CEP126: variants seen among roughly 807,000 people sequenced by gnomAD.
CEP126 encodes centrosomal protein of 126 kDa.
CEP126 carries 74 observed loss-of-function variants against 107.8 expected under a neutral mutation model. That is an observed-to-expected ratio of 0.69 (90% CI 0.57 to 0.83). The LOEUF (loss-of-function observed/expected upper bound fraction) is 0.83, where lower values mean the gene tolerates loss of function less well. CEP126 is among the 40% of genes least tolerant of loss of function. The pLI is 0.00. For missense variants in CEP126, 1,237 were observed against 1,281.9 expected, an observed-to-expected ratio of 0.96 and a Z score of 0.53; for synonymous variants, 449 against 446.0, an observed-to-expected ratio of 1.01 and a Z score of -0.08.
intron 2 of CEP126, among the ~76,000 whole-genome samples, chr11:101,931,471 T>C (rs1940498812): frequency 6.6e-6 from 1 of 152,188 alleles, no homozygotes; most frequent in African/African-American, 2.4e-5. Context: ...CAGTAGATTA[T>C]TGGGTTTAGT....
At chr11:101,954,224 C>T (rs1229231722) in intron 4 of CEP126, among the ~76,000 whole-genome samples, 4 of 152,162 alleles carry the variant, frequency 2.6e-5, no homozygotes, top group African/African-American at 9.7e-5. Context: ...GACTGGGTTT[C>T]ACCATTTTGG....
rs150084175 is a variant in CEP126 at position 101,922,322 on chromosome 11, G to A, written c.129-319G>A. ...TGGGAATACAGGCATGCACCACCAC[G>A]TCCAGCTAATTTTTGTATTTTTAGT... On this transcript the variant is annotated intron_variant, in intron 1 of 10. Coordinates refer to ENST00000263468, the MANE Select transcript of CEP126 (RefSeq NM_020802.4). Among the ~76,000 whole-genome samples, 1,431 of 151,898 alleles carry A rather than the reference G, an allele frequency of 9.4e-3. 27 individuals are homozygous for A. Among genetic ancestry groups the A allele is most frequent in the African/African-American group, 0.033 (1,353 of 41,460 alleles).
chr11:101,938,958 T>C (rs756497046), intron 2 of CEP126, among the ~76,000 whole-genome samples: 1 of 152,310 alleles, frequency 6.6e-6, no homozygotes, highest in South Asian at 2.1e-4. Flanking sequence ...TTTAATCTTA[T>C]GAAATTCATT....
At chr11:101,975,646 A>C (rs1039689268) in intron 6 of CEP126, among the ~76,000 whole-genome samples, 1 of 152,152 alleles carries the variant, frequency 6.6e-6, no homozygotes, top group African/African-American at 2.4e-5. Context: ...GGTAAATTGC[A>C]TGTCACTAGG....
chr11:101,916,986 A>G (rs546884953), intron 1 of CEP126, among the ~76,000 whole-genome samples: 1 of 151,864 alleles, frequency 6.6e-6, no homozygotes, highest in African/African-American at 2.4e-5. Context: ...TTATAAATGA[A>G]CATTTTAATA....
intron 1 of CEP126, chr11:101,915,941 G>GA: frequency 6.6e-6 from 1 of 152,396 alleles, no homozygotes; most frequent in East Asian, 1.9e-4. Flanking sequence ...CAGAAAAGAG[G>GA]AAATGAGAAA....
chr11:101,972,796 A>G (rs1203490658), intron 6 of CEP126, among the ~76,000 whole-genome samples: 8 of 152,152 alleles, frequency 5.3e-5, no homozygotes, highest in Non-Finnish European at 1.5e-5. Context: ...GTGAGACTCC[A>G]TCTAAAAAAA....
chr11:101,985,585 G>A (rs1031445774), intron 8 of CEP126, among the ~76,000 whole-genome samples: 2 of 151,962 alleles, frequency 1.3e-5, no homozygotes, highest in Non-Finnish European at 2.9e-5. Context: ...ATCCAGCTGA[G>A]TTTCATGTTT....
At chr11:101,941,562 G>T (rs2137093959) in intron 2 of CEP126, among the ~76,000 whole-genome samples, 1 of 152,192 alleles carries the variant, frequency 6.6e-6, no homozygotes, top group Non-Finnish European at 1.5e-5. Flanking sequence ...CAGTTGGGTT[G>T]CTTCCACCTT....
intron 2 of CEP126, among the ~76,000 whole-genome samples, chr11:101,928,840 T>C (rs1248478295): frequency 1.3e-5 from 2 of 152,196 alleles, no homozygotes; most frequent in African/African-American, 4.8e-5. Flanking sequence ...CTTTATTCTT[T>C]TTCAGAATTG....
intron 6 of CEP126, among the ~76,000 whole-genome samples, chr11:101,967,849 A>G (rs1243637634): frequency 6.6e-6 from 1 of 152,206 alleles, no homozygotes; most frequent in Non-Finnish European, 1.5e-5. Flanking sequence ...AATAGTGACT[A>G]CCTCTGGGGA....
At chr11:101,993,293 A>T (rs1263786025) in intron 10 of CEP126, among the ~76,000 whole-genome samples, 1 of 152,136 alleles carries the variant, frequency 6.6e-6, no homozygotes, top group Non-Finnish European at 1.5e-5. Flanking sequence ...TCCCACTTCT[A>T]AGTGAGAACG....
chr11:101,929,312 CTATTA>C (rs1940458328), intron 2 of CEP126, among the ~76,000 whole-genome samples: 1 of 152,188 alleles, frequency 6.6e-6, no homozygotes, highest in East Asian at 1.9e-4. Flanking sequence ...TTTTCATACT[CTATTA>C]TGAGATTCTG....
intron 6 of CEP126, among the ~76,000 whole-genome samples, chr11:101,971,241 T>G (rs567207671): frequency 4.7e-4 from 71 of 152,226 alleles, no homozygotes; most frequent in African/African-American, 1.5e-3. Flanking sequence ...TCCCAAGTAC[T>G]GGGATTGTAG....
chr11:101,992,963 T>A (rs7929528), intron 10 of CEP126, 121 bp downstream of exon 10: 54,865 of 1,010,454 alleles, frequency 0.054, 2,403 homozygotes, highest in East Asian at 0.23. Context: ...TTTATAGAGG[T>A]TTTCTCCTCA....
rs771493265 is a variant in CEP126, at chr11:101,992,790, C to A, written c.3257C>A (p.Ser1086Tyr). ...LSERLHYIQE[S>Y]ICKNPSIKNT... ...ATAATTATTTCAGATATACAAGAAT[C>A]CATTTGCAAAAACCCATCCATCAAA... The change falls in exon 10 of 11, where the codon TCC becomes TAC. Residue 1086 changes from serine (S) to tyrosine (Y), a missense_variant. Transcript: ENST00000263468. 4.7e-5 allele frequency: 70 copies of A among 1,494,758 alleles called. 1 individual carries two copies. The highest frequency in any genetic ancestry group is 6.3e-5 in the Non-Finnish European group (69 of 1,103,972). The allele number at this position is 1,494,758 out of a possible 1,614,324, so 92.6% of individuals were successfully genotyped here.
chr11:101,952,606 G>T (rs1346925332), intron 4 of CEP126, among the ~76,000 whole-genome samples: 1 of 152,166 alleles, frequency 6.6e-6, no homozygotes, highest in East Asian at 1.9e-4. Flanking sequence ...GGTTAAGAGG[G>T]TAGATCTCAT....
At chr11:101,986,064 C>T (rs962434511) in intron 8 of CEP126, among the ~76,000 whole-genome samples, 1 of 149,398 alleles carries the variant, frequency 6.7e-6, no homozygotes, top group East Asian at 2.0e-4. Context: ...CTCACTGCAA[C>T]CTCCACCTCC....
At chr11:101,920,350 T>C (rs1287103655) in intron 1 of CEP126, among the ~76,000 whole-genome samples, 3 of 152,202 alleles carry the variant, frequency 2.0e-5, no homozygotes, top group Non-Finnish European at 4.4e-5. Flanking sequence ...TACCGCATAG[T>C]TTATTATTGA....
Sources: allele counts gnomAD v4.1 joint callset (sites outside exome capture counted in the v4.1 genomes callset), GRCh38; gene constraint gnomAD v4.1.1; transcripts MANE v1.5; gene names NCBI Gene and HGNC (gene_info 2026-07-23, HGNC 2026-07-21).